LOC128092253: variants seen among roughly 807,000 people sequenced by gnomAD.
the LOC128092253 span, among the ~76,000 whole-genome samples, chr6:133,956,862 C>A: frequency 6.6e-6 from 1 of 152,226 alleles, no homozygotes; most frequent in Admixed American, 6.5e-5. Context: ...TGTCACATGA[C>A]TACCACTTTG....
the LOC128092253 span, among the ~76,000 whole-genome samples, chr6:133,975,321 A>G: frequency 6.6e-6 from 1 of 152,158 alleles, no homozygotes; most frequent in Non-Finnish European, 1.5e-5. Flanking sequence ...GAAGAAATGG[A>G]AAATTTAATT....
chr6:133,955,338 A>G, the LOC128092253 span, among the ~76,000 whole-genome samples: 3 of 151,088 alleles, frequency 2.0e-5, no homozygotes, highest in Non-Finnish European at 2.9e-5. Flanking sequence ...CCTCCGCCCC[A>G]ATACTCCCAA....
the LOC128092253 span, among the ~76,000 whole-genome samples, chr6:133,976,510 C>G: frequency 6.6e-6 from 1 of 152,136 alleles, no homozygotes; most frequent in Non-Finnish European, 1.5e-5. Flanking sequence ...TTCCATCTTT[C>G]CTTTAGCTGT....
chr6:133,970,082 T>G, the LOC128092253 span, among the ~76,000 whole-genome samples: 1 of 152,224 alleles, frequency 6.6e-6, no homozygotes, highest in Non-Finnish European at 1.5e-5. Flanking sequence ...ACGAATCTTC[T>G]GGGGAGCCCA....
chr6:133,964,521 GC>G, the LOC128092253 span, among the ~76,000 whole-genome samples: 1 of 150,774 alleles, frequency 6.6e-6, no homozygotes. Flanking sequence ...CACCATCTTG[GC>G]TCACTGCAAG....
chr6:133,962,431 A>T, the LOC128092253 span, among the ~76,000 whole-genome samples: 1 of 152,218 alleles, frequency 6.6e-6, no homozygotes, highest in Non-Finnish European at 1.5e-5. Context: ...ATTAAAAGTT[A>T]ACTGAGCAGA....
the LOC128092253 span, among the ~76,000 whole-genome samples, chr6:133,977,308 C>T: frequency 5.9e-5 from 9 of 152,264 alleles, no homozygotes; most frequent in East Asian, 1.9e-4. Flanking sequence ...TACTTAGTAA[C>T]TTATGAACTA....
the LOC128092253 span, among the ~76,000 whole-genome samples, chr6:133,972,274 A>G: frequency 6.6e-6 from 1 of 152,226 alleles, no homozygotes; most frequent in South Asian, 2.1e-4. Flanking sequence ...TCATAATTTC[A>G]TGTCACTCAG....
chr6:133,962,454 G>T, the LOC128092253 span, among the ~76,000 whole-genome samples: 6 of 152,208 alleles, frequency 3.9e-5, no homozygotes, highest in Admixed American at 3.9e-4. Flanking sequence ...AGAAGAATGA[G>T]AGATGAAGGA....
At chr6:133,959,285 C>G in the LOC128092253 span, among the ~76,000 whole-genome samples, 1 of 152,150 alleles carries the variant, frequency 6.6e-6, no homozygotes, top group East Asian at 1.9e-4. Context: ...AGTGATCTGC[C>G]TGTCTCAGCC....
chr6:133,964,159 A>G, the LOC128092253 span, among the ~76,000 whole-genome samples: 1 of 152,132 alleles, frequency 6.6e-6, no homozygotes, highest in Admixed American at 6.5e-5. Flanking sequence ...CTGTTGTGGT[A>G]GTGTTCTTGA....
At chr6:133,970,078 C>A in the LOC128092253 span, among the ~76,000 whole-genome samples, 6 of 152,312 alleles carry the variant, frequency 3.9e-5, no homozygotes, top group African/African-American at 1.4e-4. Flanking sequence ...GGACACGAAT[C>A]TTCTGGGGAG....
the LOC128092253 span, among the ~76,000 whole-genome samples, chr6:133,971,898 A>G: frequency 6.6e-6 from 1 of 152,140 alleles, no homozygotes; most frequent in Non-Finnish European, 1.5e-5. Context: ...CACCCTGTTA[A>G]TAGTTTCCTG....
the LOC128092253 span, among the ~76,000 whole-genome samples, chr6:133,974,438 A>G: frequency 1.3e-5 from 2 of 152,092 alleles, no homozygotes; most frequent in African/African-American, 4.8e-5. Context: ...GGTTCAAGCA[A>G]TTCTCCTTCC....
chr6:133,962,975 A>T, the LOC128092253 span, among the ~76,000 whole-genome samples: 1 of 152,228 alleles, frequency 6.6e-6, no homozygotes, highest in East Asian at 1.9e-4. Context: ...AGGACATGGC[A>T]AGGGAGCAGT....
At chr6:133,961,753 C>A in the LOC128092253 span, among the ~76,000 whole-genome samples, 1 of 152,094 alleles carries the variant, frequency 6.6e-6, no homozygotes, top group Non-Finnish European at 1.5e-5. Flanking sequence ...TGTGACCCAC[C>A]GCACTTGGCC....
the LOC128092253 span, among the ~76,000 whole-genome samples, chr6:133,966,772 A>G: frequency 7.3e-5 from 11 of 151,710 alleles, no homozygotes; most frequent in South Asian, 2.1e-4. Flanking sequence ...TGTTCACTCT[A>G]TCTCTTAAAA....
At chr6:133,975,884 T>C in the LOC128092253 span, among the ~76,000 whole-genome samples, 5 of 152,212 alleles carry the variant, frequency 3.3e-5, no homozygotes, top group African/African-American at 1.2e-4. Context: ...TACGTAGATG[T>C]TCATTGTGTT....
chr6:133,974,765 C>T, the LOC128092253 span, among the ~76,000 whole-genome samples: 1 of 152,360 alleles, frequency 6.6e-6, no homozygotes, highest in Middle Eastern at 3.4e-3. Flanking sequence ...CAGATTTACT[C>T]ACACTTTCAA....
Sources: gnomAD v4.1 joint callset for allele counts (sites outside exome capture counted in the v4.1 genomes callset) on GRCh38, gnomAD v4.1.1 for gene constraint, MANE v1.5 for transcripts.